The following APBB1IP variants were observed in gnomAD, a reference collection of about 807,000 sequenced individuals.
The protein encoded by APBB1IP is amyloid beta precursor protein binding family B member 1 interacting protein.
In APBB1IP, 27 loss-of-function variants were observed where a neutral mutation model predicts 64.9. That is an observed-to-expected ratio of 0.42 (90% CI 0.31 to 0.57). The LOEUF (loss-of-function observed/expected upper bound fraction) is 0.57, where lower values mean the gene tolerates loss of function less well. Among genes scored for constraint, APBB1IP ranks in the 20% least tolerant of loss-of-function variants. The pLI, the probability that APBB1IP is intolerant of heterozygous loss-of-function variation, is 0.20. For missense variants in APBB1IP, 812 were observed against 845.5 expected, an observed-to-expected ratio of 0.96 and a Z score of 0.49; for synonymous variants, 392 against 331.0, an observed-to-expected ratio of 1.18 and a Z score of -2.00.
intron 2 of APBB1IP, among the ~76,000 whole-genome samples, chr10:26,455,691 C>CT (rs144857853): frequency 0.24 from 36,710 of 150,594 alleles, 4,709 homozygotes; most frequent in East Asian, 0.49. Context: ...TGGGGGATTT[C>CT]TTTTTTTTTG....
intron 2 of APBB1IP, among the ~76,000 whole-genome samples, chr10:26,445,172 GAAA>G (rs1835382610): frequency 1.4e-5 from 2 of 146,558 alleles, no homozygotes; most frequent in Non-Finnish European, 3.0e-5. Context: ...AAGAAAGAAA[GAAA>G]GAAAGAAAGA....
intron 2 of APBB1IP, among the ~76,000 whole-genome samples, chr10:26,477,003 A>G (rs1005105940): frequency 6.6e-6 from 1 of 151,782 alleles, no homozygotes; most frequent in African/African-American, 2.4e-5. Context: ...GTTTCACCAT[A>G]TTGGCCAGGC....
intron 2 of APBB1IP, among the ~76,000 whole-genome samples, chr10:26,449,181 T>G (rs1207235198): frequency 6.6e-6 from 1 of 152,222 alleles, no homozygotes; most frequent in Non-Finnish European, 1.5e-5. Flanking sequence ...TGGCTTAGTC[T>G]TTTAAAAGCG....
chr10:26,511,940 A>G (rs1355951990), intron 7 of APBB1IP, 34 bp downstream of exon 7: 2 of 1,607,608 alleles, frequency 1.2e-6, no homozygotes, highest in Non-Finnish European at 1.7e-6. Context: ...GCTGTACTCC[A>G]AAAACCTTGT....
chr10:26,507,158 G>C (rs1266137157), intron 6 of APBB1IP, among the ~76,000 whole-genome samples: 2 of 152,102 alleles, frequency 1.3e-5, no homozygotes, highest in African/African-American at 4.8e-5. Context: ...ACCATTTGAG[G>C]GTTTTAAACA....
intron 4 of APBB1IP, among the ~76,000 whole-genome samples, chr10:26,498,075 A>T (rs971777642): frequency 6.6e-6 from 1 of 152,106 alleles, no homozygotes; most frequent in Admixed American, 6.6e-5. Flanking sequence ...GTAAACCATT[A>T]AGTGCCAGTG....
At chr10:26,566,192 G>A (rs1048580508) in intron 14 of APBB1IP, among the ~76,000 whole-genome samples, 3 of 152,202 alleles carry the variant, frequency 2.0e-5, no homozygotes, top group African/African-American at 7.2e-5. Flanking sequence ...GCTGAGGCAG[G>A]AGGATCACTT....
intron 13 of APBB1IP, among the ~76,000 whole-genome samples, chr10:26,561,064 C>CTTTCTTTTTTTTTTT (rs1218039459): frequency 5.8e-5 from 4 of 69,210 alleles, no homozygotes; most frequent in Non-Finnish European, 7.6e-5. Context: ...TTCTTTCTTT[C>CTTTCTTTTTTTTTTT]TTTTTTTTTT....
intron 2 of APBB1IP, among the ~76,000 whole-genome samples, chr10:26,491,327 A>G (rs1835952411): frequency 2.6e-5 from 4 of 152,196 alleles, no homozygotes; most frequent in Non-Finnish European, 4.4e-5. Context: ...AAATGCCGTT[A>G]GAAATGGTCT....
intron 6 of APBB1IP, chr10:26,509,656 C>G (rs1836227819): frequency 6.6e-6 from 1 of 152,190 alleles, no homozygotes; most frequent in Non-Finnish European, 1.5e-5. Context: ...AGGGTTAGGT[C>G]TGGTTAGTAC....
chr10:26,533,064 A>G (rs1836574457), intron 8 of APBB1IP, among the ~76,000 whole-genome samples: 1 of 152,256 alleles, frequency 6.6e-6, no homozygotes, highest in Admixed American at 6.5e-5. Context: ...TCTTGAGCAT[A>G]GGACATGAGC....
chr10:26,480,749 G>A (rs1361237123), intron 2 of APBB1IP, among the ~76,000 whole-genome samples: 1 of 149,288 alleles, frequency 6.7e-6, no homozygotes, highest in African/African-American at 2.5e-5. Flanking sequence ...TTACAGGCAT[G>A]AGCCACCATA....
chr10:26,519,638 A>G (rs906304743), intron 8 of APBB1IP, among the ~76,000 whole-genome samples: 1 of 152,170 alleles, frequency 6.6e-6, no homozygotes, highest in Non-Finnish European at 1.5e-5. Context: ...AACCATTACT[A>G]CTGTAACATA....
Position 26,483,545 on chromosome 10 carries a change from C to A in APBB1IP, c.1-8782C>A, listed in dbSNP as rs1248757699. ...AGATTTCTCTCTCTCTCAACCCCAG[C>A]CATGCACAGAAGCAATTGAGTGAGG... On this transcript the variant is annotated intron_variant, in intron 2 of 14. Coordinates refer to ENST00000376236, the MANE Select transcript of APBB1IP (RefSeq NM_019043.4). 3.3e-5 allele frequency among the ~76,000 whole-genome samples: 5 copies of A among 152,080 alleles called. No homozygotes were observed. In the East Asian group the frequency reaches 9.6e-4, roughly 29 times the overall value.
At chr10:26,495,719 G>T (rs1836013001) in intron 3 of APBB1IP, among the ~76,000 whole-genome samples, 1 of 150,824 alleles carries the variant, frequency 6.6e-6, no homozygotes, top group African/African-American at 2.4e-5. Context: ...CCAAGTGGAT[G>T]TACTCATAGG....
intron 2 of APBB1IP, among the ~76,000 whole-genome samples, chr10:26,475,566 A>G (rs1405971280): frequency 6.6e-6 from 1 of 152,162 alleles, no homozygotes; most frequent in Non-Finnish European, 1.5e-5. Context: ...AGCAGACAGG[A>G]ACAGTGTAAT....
intron 2 of APBB1IP, among the ~76,000 whole-genome samples, chr10:26,462,335 C>T (rs1235826034): frequency 2.0e-5 from 3 of 152,176 alleles, no homozygotes; most frequent in African/African-American, 7.2e-5. Context: ...TACATTGGAA[C>T]ATTTTTGGTG....
At chr10:26,562,808 A>C (rs959987808) in intron 14 of APBB1IP, among the ~76,000 whole-genome samples, 53 of 152,040 alleles carry the variant, frequency 3.5e-4, no homozygotes, top group Admixed American at 4.6e-4. Flanking sequence ...AAATAAATAA[A>C]TAAATAAATA....
intron 10 of APBB1IP, among the ~76,000 whole-genome samples, chr10:26,539,039 T>C (rs1836663854): frequency 6.6e-6 from 1 of 152,254 alleles, no homozygotes; most frequent in African/African-American, 2.4e-5. Context: ...TATAATTTCC[T>C]ACCTCATTCC....
Sources: gnomAD v4.1 joint callset for allele counts (sites outside exome capture counted in the v4.1 genomes callset) on GRCh38, gnomAD v4.1.1 for gene constraint, MANE v1.5 for transcripts, NCBI Gene and HGNC (gene_info 2026-07-23, HGNC 2026-07-21) for gene names.